G3BP2: variants seen among roughly 807,000 people sequenced by gnomAD.
G3BP2 encodes G3BP stress granule assembly factor 2.
A neutral mutation model predicts 56.7 loss-of-function variants in G3BP2; 11 were observed. The observed-to-expected ratio is 0.19, with a 90% CI of 0.12 to 0.32. The LOEUF is 0.32. Among genes scored for constraint, G3BP2 ranks in the 10% least tolerant of loss-of-function variants. The pLI is 1.00. For synonymous variants in G3BP2, 165 were observed against 191.6 expected (o/e 0.86, Z 1.15); for missense variants, 340 against 610.9 (o/e 0.56, Z 4.67).
chr4:75,650,638 T>G (rs1219961982), intron 8 of G3BP2, among the ~76,000 whole-genome samples: 1 of 152,158 alleles, frequency 6.6e-6, no homozygotes, highest in Non-Finnish European at 1.5e-5. Flanking sequence ...AGTTATAAAA[T>G]GAATATTTTT....
intron 3 of G3BP2, among the ~76,000 whole-genome samples, chr4:75,711,144 AC>A (rs1482206972): frequency 3.3e-5 from 5 of 151,570 alleles, no homozygotes; most frequent in Admixed American, 2.6e-4. Context: ...ACATGGTGAA[AC>A]CCCATCTCTA....
chr4:75,644,856 C>T lies in G3BP2; in HGVS notation c.*574G>A, dbSNP rs1454827734. ...CAGCAAGCAGATAAAATGCCCTCATCATTTCACAAACTATTTTCTACTGGA... is the reference window on the plus strand; with the variant it reads ...CAGCAAGCAGATAAAATGCCCTCATTATTTCACAAACTATTTTCTACTGGA... On this transcript the variant is annotated 3_prime_UTR_variant, in exon 12 of 12. Coordinates refer to ENST00000359707, the MANE Select transcript of G3BP2 (RefSeq NM_203505.3). The T allele has an allele frequency of 1.3e-5, 2 of 153,010 alleles. No individual in the cohort carries two copies. The highest frequency in any genetic ancestry group is 2.4e-5 in the African/African-American group (1 of 41,466). 9.5% of individuals were successfully genotyped at this position (153,010 alleles called of 1,614,324 possible).
intron 3 of G3BP2, among the ~76,000 whole-genome samples, chr4:75,690,630 G>A (rs187796235): frequency 6.6e-6 from 1 of 152,144 alleles, no homozygotes; most frequent in African/African-American, 2.4e-5. Context: ...GGAGTACAGT[G>A]GCGCCATCTC....
chr4:75,701,698 G>T (rs533251132), intron 3 of G3BP2, among the ~76,000 whole-genome samples: 1 of 152,332 alleles, frequency 6.6e-6, no homozygotes, highest in African/African-American at 2.4e-5. Flanking sequence ...AAAGTGCTGG[G>T]ATTGCAGGCG....
upstream of G3BP2, among the ~76,000 whole-genome samples, chr4:75,678,323 T>C (rs1733954393): frequency 6.6e-6 from 1 of 151,836 alleles, no homozygotes; most frequent in Admixed American, 6.6e-5. Context: ...TGTGTGTGTG[T>C]GTGTGTGTGT....
At chr4:75,718,900 A>G (rs574287671) in intron 3 of G3BP2, among the ~76,000 whole-genome samples, 1 of 152,302 alleles carries the variant, frequency 6.6e-6, no homozygotes, top group African/African-American at 2.4e-5. Flanking sequence ...AAAACAGTTA[A>G]GGAGAGCAGA....
intron 3 of G3BP2, among the ~76,000 whole-genome samples, chr4:75,679,899 A>T (rs918967953): frequency 1.9e-4 from 29 of 152,244 alleles, no homozygotes; most frequent in Admixed American, 9.2e-4. Flanking sequence ...ACAACTAAAG[A>T]TAACATAAAT....
At chr4:75,673,046 G>C in intron 1 of G3BP2, 162 bp downstream of exon 1, 2 of 994,716 alleles carry the variant, frequency 2.0e-6, no homozygotes, top group Non-Finnish European at 2.4e-6. Flanking sequence ...CTTCTCTCAC[G>C]CACACACGGC....
intron 2 of G3BP2, among the ~76,000 whole-genome samples, chr4:75,721,403 C>T (rs545955312): frequency 2.0e-4 from 31 of 152,050 alleles, no homozygotes; most frequent in African/African-American, 6.8e-4. Flanking sequence ...GGAATACAGG[C>T]GCATGCCACC....
upstream of G3BP2, chr4:75,673,943 T>G (rs1328124242): frequency 1.9e-5 from 3 of 157,284 alleles, no homozygotes; most frequent in African/African-American, 7.2e-5. Context: ...GGCCCTGCAG[T>G]AAAGGAAGAA....
chr4:75,654,741 T>C (rs1731956664), intron 7 of G3BP2, among the ~76,000 whole-genome samples: 2 of 152,226 alleles, frequency 1.3e-5, no homozygotes, highest in South Asian at 2.1e-4. Context: ...TGATTCCTGG[T>C]GCATCTGTGC....
chr4:75,723,798 C>G (rs982536676), intron 1 of G3BP2, among the ~76,000 whole-genome samples: 1 of 151,920 alleles, frequency 6.6e-6, no homozygotes, highest in African/African-American at 2.4e-5. Flanking sequence ...TGCTTTTTAG[C>G]CTCAAGAAAT....
intron 1 of G3BP2, among the ~76,000 whole-genome samples, chr4:75,663,271 TTC>T (rs1732713316): frequency 2.6e-5 from 4 of 152,160 alleles, no homozygotes; most frequent in Admixed American, 2.6e-4. Context: ...TATTTTTGTC[TTC>T]TGAGACAGGG....
At chr4:75,674,610 T>G (rs1733760470), upstream of G3BP2, among the ~76,000 whole-genome samples, 1 of 150,962 alleles carries the variant, frequency 6.6e-6, no homozygotes, top group East Asian at 1.9e-4. Flanking sequence ...TTTAATATAC[T>G]GGGCTTATAT....
At chr4:75,695,898 TG>T (rs1393825134) in intron 3 of G3BP2, among the ~76,000 whole-genome samples, 2 of 146,152 alleles carry the variant, frequency 1.4e-5, no homozygotes, top group Non-Finnish European at 3.0e-5. Context: ...CGCTTGAACC[TG>T]GGAGGCAGAG....
intron 3 of G3BP2, 65 bp downstream of exon 3, chr4:75,658,778 G>A (rs1289610182): frequency 2.1e-6 from 2 of 957,720 alleles, no homozygotes; most frequent in African/African-American, 1.6e-5. Flanking sequence ...GACACAAGAA[G>A]GCTATTTTTT....
At chr4:75,686,314 G>C (rs557218498) in intron 3 of G3BP2, among the ~76,000 whole-genome samples, 7 of 152,176 alleles carry the variant, frequency 4.6e-5, no homozygotes, top group African/African-American at 1.7e-4. Flanking sequence ...TAATGGAAGA[G>C]ACACAGGCAA....
chr4:75,648,282 A>C (rs942339425), intron 9 of G3BP2, among the ~76,000 whole-genome samples: 8 of 148,904 alleles, frequency 5.4e-5, no homozygotes, highest in Middle Eastern at 3.2e-3. Context: ...CGGGAGACAG[A>C]GGTTGCAGTG....
In G3BP2 at chr4:75,673,374, G is replaced by A; in HGVS notation, c.-191C>T. On this transcript the variant is annotated 5_prime_UTR_variant, in exon 1 of 12. Transcript: ENST00000359707. ...CTGCCTCACAACCACCTCTTCCCGG[G>A]CGCCAGGCGCTGCGACGTGCGACAA... is the stretch of plus-strand genomic sequence containing the variant. 1.6e-6 allele frequency: 2 copies of A among 1,231,200 alleles called. No homozygotes were observed. The highest frequency in any genetic ancestry group is 2.0e-6 in the Non-Finnish European group (2 of 987,930). 76.3% of individuals were successfully genotyped at this position (1,231,200 alleles called of 1,614,324 possible). A position where few individuals can be genotyped will look rare whatever the true frequency, so the allele number is the denominator to read the frequency against.
Sources: allele counts gnomAD v4.1 joint callset (sites outside exome capture counted in the v4.1 genomes callset), GRCh38; gene constraint gnomAD v4.1.1; transcripts MANE v1.5; gene names NCBI Gene and HGNC (gene_info 2026-07-23, HGNC 2026-07-21).